Variants in SMURF1 observed in about 807,000 individuals in gnomAD.
SMURF1 encodes E3 ubiquitin-protein ligase SMURF1.
In SMURF1, 44 loss-of-function variants were observed where a neutral mutation model predicts 98.0. The observed-to-expected ratio is 0.45, with a 90% CI of 0.35 to 0.58. The LOEUF is 0.58. Ranked by LOEUF, SMURF1 falls within the 20% of genes least tolerant of loss-of-function variation. SMURF1 has a pLI of 0.00. For missense variants in SMURF1, 687 were observed against 938.4 expected (o/e 0.73, Z 3.50); for synonymous variants, 396 against 374.9 (o/e 1.06, Z -0.65).
chr7:99,089,394 T>A lies in SMURF1; in HGVS notation c.56-27557A>T, dbSNP rs562491387. On this transcript the variant is annotated intron_variant, in intron 1 of 17. Coordinates refer to ENST00000361368, the MANE Select transcript of SMURF1 (RefSeq NM_181349.3). ...TGGCTCACACCTGTAATCCCAGCAC[T>A]TTGGGAGGCCGAGGCAGGAGGATCG... Among the ~76,000 whole-genome samples the A allele has an allele frequency of 2.0e-5, 3 of 151,608 alleles. No individual in the cohort carries two copies. In the South Asian group the frequency reaches 6.3e-4, roughly 32 times the overall value.
At chr7:99,037,041 G>A (rs1795173090) in intron 15 of SMURF1, 26 bp downstream of exon 15, 1 of 1,612,808 alleles carries the variant, frequency 6.2e-7, no homozygotes, top group South Asian at 1.1e-5. Context: ...GACGCCCTGG[G>A]TCGACTCCGC....
intron 17 of SMURF1, chr7:99,031,413 A>G (rs1158241602): frequency 2.0e-5 from 3 of 152,236 alleles, no homozygotes; most frequent in Non-Finnish European, 1.5e-5. Context: ...TAGCAAACCA[A>G]AAAATACAAA....
At chr7:99,054,697 A>G in intron 6 of SMURF1, 93 bp downstream of exon 6, 2 of 1,008,020 alleles carry the variant, frequency 2.0e-6, no homozygotes, top group African/African-American at 3.2e-5. Context: ...AGCATTCTGC[A>G]GAGTGACTTA....
chr7:99,073,985 TGTG>T (rs1188753858), intron 1 of SMURF1, among the ~76,000 whole-genome samples: 1 of 152,206 alleles, frequency 6.6e-6, no homozygotes, highest in Non-Finnish European at 1.5e-5. Flanking sequence ...ATAAAAAAGT[TGTG>T]GTCATCACAA....
intron 1 of SMURF1, among the ~76,000 whole-genome samples, chr7:99,122,022 C>A (rs1483175822): frequency 2.0e-5 from 3 of 152,164 alleles, no homozygotes; most frequent in Middle Eastern, 3.2e-3. Context: ...ACTACAAGAA[C>A]CTGTTTTTAG....
chr7:99,049,854 C>T (rs1341372579), intron 8 of SMURF1, 145 bp from the exon 9 acceptor site: 5 of 706,612 alleles, frequency 7.1e-6, no homozygotes, highest in Admixed American at 3.0e-5. Flanking sequence ...GTGCTACTTA[C>T]GCCAAACCTC....
chr7:99,126,951 A>G (rs915323382), intron 1 of SMURF1, among the ~76,000 whole-genome samples: 11 of 117,542 alleles, frequency 9.4e-5, no homozygotes, highest in African/African-American at 3.0e-4. Context: ...CGTGTTCAGC[A>G]TAGGTTGGGT....
intron 7 of SMURF1, 116 bp downstream of exon 7, chr7:99,052,089 C>T: frequency 7.2e-7 from 1 of 1,385,014 alleles, no homozygotes; most frequent in Non-Finnish European, 9.5e-7. Context: ...GAGCCATGAT[C>T]ATGCCACTGC....
At position 99,060,723 on chromosome 7, in the gene SMURF1, G is replaced by T. The variant is rs370396411; in HGVS notation, c.95-16C>A. ...TCAGGGAGCCCTAGAGGAGAGAGGA[G>T]ACCCACACCTAGATGAGACCTCACA... On this transcript the variant is annotated splice_polypyrimidine_tract_variant and intron_variant, in intron 2 of 17. Coordinates refer to ENST00000361368, the MANE Select transcript of SMURF1 (RefSeq NM_181349.3). The T allele has an allele frequency of 1.1e-5, 18 of 1,573,790 alleles. No homozygotes were observed. The highest frequency in any genetic ancestry group is 1.6e-5 in the Non-Finnish European group (18 of 1,144,908).
At chr7:99,080,344 G>C (rs1796553247) in intron 1 of SMURF1, among the ~76,000 whole-genome samples, 1 of 152,214 alleles carries the variant, frequency 6.6e-6, no homozygotes, top group African/African-American at 2.4e-5. Context: ...TTGTTGCGGA[G>C]GCTGGAGTGC....
chr7:99,056,977 C>CAA (rs11452990), intron 5 of SMURF1, among the ~76,000 whole-genome samples: 7,368 of 98,404 alleles, frequency 0.075, 374 homozygotes, highest in Middle Eastern at 0.13. Context: ...CACTCCATCT[C>CAA]AAAAAAAAAA....
intron 9 of SMURF1, 40 bp downstream of exon 9, chr7:99,049,523 C>T (rs751064889): frequency 3.1e-6 from 5 of 1,594,542 alleles, no homozygotes; most frequent in Non-Finnish European, 4.3e-6. Flanking sequence ...ATTCGATTAC[C>T]AATGAAAGAG....
At chr7:99,123,529 G>A (rs1005283246) in intron 1 of SMURF1, among the ~76,000 whole-genome samples, 1 of 152,114 alleles carries the variant, frequency 6.6e-6, no homozygotes, top group African/African-American at 2.4e-5. Flanking sequence ...GAGAGACTCT[G>A]CCTCAAATAT....
At chr7:99,057,664 G>A (rs773317988) in intron 3 of SMURF1, 113 bp from the exon 4 acceptor site, 6 of 1,268,952 alleles carry the variant, frequency 4.7e-6, no homozygotes, top group Non-Finnish European at 5.1e-6. Flanking sequence ...GAGTGCAGTT[G>A]TGTGATCTCA....
chr7:99,047,836 T>A lies in SMURF1; in HGVS notation c.1000A>T (p.Ser334Cys). 6.2e-7 allele frequency: 1 copy of A among 1,614,166 alleles called. No homozygotes were observed. The highest frequency in any genetic ancestry group is 8.5e-7 in the Non-Finnish European group (1 of 1,180,018). The change falls in exon 10 of 18, where the codon AGT (serine) becomes TGT (cysteine). Residue 334 changes from serine (S) to cysteine (C), a missense_variant. Coordinates refer to ENST00000361368, the MANE Select transcript of SMURF1 (RefSeq NM_181349.3). ...KEPSQPLPLP[S>C]EGSLEDEELP... Reference sequence around the variant, plus strand: ...TCCTCGTCCTCCAGAGAGCCCTCACTGGGCAGTGGCAGCGGCTGGCTGGGC... The same window carrying A: ...TCCTCGTCCTCCAGAGAGCCCTCACAGGGCAGTGGCAGCGGCTGGCTGGGC...
intron 11 of SMURF1, among the ~76,000 whole-genome samples, chr7:99,042,771 T>A (rs1014417582): frequency 1.3e-5 from 2 of 152,244 alleles, no homozygotes; most frequent in Non-Finnish European, 2.9e-5. Context: ...TTCTATTCAT[T>A]CTGCTCAAAA....
intron 1 of SMURF1, among the ~76,000 whole-genome samples, chr7:99,089,136 G>A (rs1345926627): frequency 2.0e-5 from 3 of 150,560 alleles, no homozygotes; most frequent in Non-Finnish European, 3.0e-5. Flanking sequence ...CCTGGGAGGC[G>A]GAGGTTGCAG....
Position 99,052,218 on chromosome 7 carries a change from C to G in SMURF1, c.708G>C (p.Leu236=). The change falls in exon 7 of 18, where the codon CTG becomes CTC. Residue 236 remains leucine, a synonymous_variant. Coordinates refer to ENST00000361368, the MANE Select transcript of SMURF1 (RefSeq NM_181349.3). The part of the protein sequence containing the change: ...NRPHGHQSPE[L]PEGYEQRTTV... ...ACATTCTCTCACCGTAGCCTTCGGG[C>G]AGTTCCGGGGACTGGTGGCCGTGTG... is the stretch of plus-strand genomic sequence containing the variant. 1.3e-6 allele frequency: 2 copies of G among 1,566,510 alleles called. No individual in the cohort carries two copies. Among genetic ancestry groups the G allele is most frequent in the Admixed American group, 1.8e-5 (1 of 55,732 alleles).
chr7:99,048,407 C>T (rs1001797642), intron 9 of SMURF1: 1 of 160,964 alleles, frequency 6.2e-6, no homozygotes, highest in Non-Finnish European at 1.4e-5. Context: ...AAGGAGGTAC[C>T]ACAATTCCAA....
Sources: gnomAD v4.1 joint callset for allele counts (sites outside exome capture counted in the v4.1 genomes callset) on GRCh38, gnomAD v4.1.1 for gene constraint, MANE v1.5 for transcripts, NCBI Gene and HGNC (gene_info 2026-07-23, HGNC 2026-07-21) for gene names.